FAM120A: variants seen among roughly 807,000 people sequenced by gnomAD.
FAM120A encodes family with sequence similarity 120 member A.
FAM120A carries 15 observed loss-of-function variants against 109.7 expected under a neutral mutation model. That is an observed-to-expected ratio of 0.14 (90% CI 0.09 to 0.21). FAM120A has a LOEUF of 0.21. Among genes scored for constraint, FAM120A ranks in the 10% least tolerant of loss-of-function variants. The pLI, the probability that FAM120A is intolerant of heterozygous loss-of-function variation, is 1.00. For synonymous variants in FAM120A, 493 were observed against 572.8 expected (o/e 0.86, Z 1.99); for missense variants, 899 against 1,439.3 (o/e 0.62, Z 6.07).
intron 3 of FAM120A, among the ~76,000 whole-genome samples, chr9:93,495,676 G>C (rs1859545420): frequency 6.6e-6 from 1 of 152,218 alleles, no homozygotes; most frequent in African/African-American, 2.4e-5. Flanking sequence ...TCTACAGCGA[G>C]TTGGAATCAT....
At chr9:93,494,939 C>T (rs1859505011) in intron 3 of FAM120A, among the ~76,000 whole-genome samples, 1 of 152,112 alleles carries the variant, frequency 6.6e-6, no homozygotes, top group African/African-American at 2.4e-5. Flanking sequence ...ACCTTTGGGC[C>T]GACTCCTCTT....
At chr9:93,506,222 A>G (rs1342531088) in intron 5 of FAM120A, among the ~76,000 whole-genome samples, 2 of 152,214 alleles carry the variant, frequency 1.3e-5, no homozygotes, top group Admixed American at 6.5e-5. Context: ...TTGGAATTAC[A>G]CCAACTCTGT....
chr9:93,546,095 T>C (rs1861881122), intron 11 of FAM120A, among the ~76,000 whole-genome samples: 1 of 152,132 alleles, frequency 6.6e-6, no homozygotes, highest in African/African-American at 2.4e-5. Flanking sequence ...CAATTCCTTC[T>C]TTATTTTTGT....
intron 2 of FAM120A, among the ~76,000 whole-genome samples, chr9:93,472,831 A>G (rs1588798898): frequency 2.0e-5 from 3 of 152,204 alleles, no homozygotes; most frequent in South Asian, 2.1e-4. Flanking sequence ...ATTTCTCCCA[A>G]TCGGTCTCAA....
intron 1 of FAM120A, chr9:93,453,263 C>G (rs963484174): frequency 7.1e-6 from 7 of 991,452 alleles, no homozygotes; most frequent in Middle Eastern, 1.0e-3. Flanking sequence ...AATCAGAGCT[C>G]TATATCACCG....
chr9:93,502,765 T>C (rs1324055926), intron 5 of FAM120A, among the ~76,000 whole-genome samples: 1 of 152,236 alleles, frequency 6.6e-6, no homozygotes, highest in East Asian at 1.9e-4. Flanking sequence ...TGTCTCAGCA[T>C]GTAAAATCTG....
At chr9:93,525,975 A>G (rs187256511) in intron 7 of FAM120A, among the ~76,000 whole-genome samples, 46 of 152,266 alleles carry the variant, frequency 3.0e-4, no homozygotes, top group African/African-American at 8.9e-4. Context: ...TTTTTAAAAG[A>G]CAGAACTATA....
intron 1 of FAM120A, chr9:93,453,118 C>T: frequency 9.8e-7 from 1 of 1,015,468 alleles, no homozygotes; most frequent in Non-Finnish European, 1.2e-6. Context: ...TAAGGCAGTT[C>T]GGTTTTGTAG....
rs746089125 is a variant in FAM120A, at chr9:93,529,452, C to G, written c.1606C>G (p.Pro536Ala). 1.3e-5 allele frequency: 21 copies of G among 1,614,114 alleles called. No individual in the cohort carries two copies. Among genetic ancestry groups the G allele is most frequent in the Non-Finnish European group, 1.8e-5 (21 of 1,180,036 alleles). Residue 536 changes from proline to alanine, a missense_variant, in exon 9 of 18, where the codon CCC becomes GCC. This residue lies in a region of FAM120A where 133 missense variants were observed against 276.6 expected (regional missense o/e 0.48). Coordinates refer to ENST00000277165, the MANE Select transcript of FAM120A (RefSeq NM_014612.5). Reference sequence around the variant, plus strand: ...GCCAATCCCGTGCCTCCTGTCGATGCCCACCAGGAACCACATGGACATCAC... The same window carrying G: ...GCCAATCCCGTGCCTCCTGTCGATGGCCACCAGGAACCACATGGACATCAC... ...VQPIPCLLSM[P>A]TRNHMDITTP...
At chr9:93,474,093 A>G (rs1324858462) in intron 2 of FAM120A, among the ~76,000 whole-genome samples, 1 of 152,250 alleles carries the variant, frequency 6.6e-6, no homozygotes, top group African/African-American at 2.4e-5. Context: ...TGAAAAAATC[A>G]ATTGCAATAT....
intron 1 of FAM120A, among the ~76,000 whole-genome samples, chr9:93,468,076 G>C (rs1258900619): frequency 6.6e-6 from 1 of 152,036 alleles, no homozygotes; most frequent in Non-Finnish European, 1.5e-5. Context: ...TAGAGTCGGG[G>C]TTTCACCATT....
intron 2 of FAM120A, among the ~76,000 whole-genome samples, chr9:93,473,838 G>T (rs1321701008): frequency 6.6e-6 from 1 of 152,184 alleles, no homozygotes; most frequent in Non-Finnish European, 1.5e-5. Context: ...TGTTAAAAGT[G>T]AGTATGGGGG....
chr9:93,558,957 C>T (rs927385718), intron 15 of FAM120A, among the ~76,000 whole-genome samples: 3 of 152,206 alleles, frequency 2.0e-5, no homozygotes, highest in African/African-American at 4.8e-5. Context: ...TGAGTGTCCA[C>T]CTAGAACAGA....
chr9:93,471,396 A>T lies in FAM120A; in HGVS notation c.721+9A>T. 6.2e-7 allele frequency: 1 copy of T among 1,613,956 alleles called. No homozygotes were observed. The highest frequency in any genetic ancestry group is 8.5e-7 in the Non-Finnish European group (1 of 1,179,866). On this transcript the variant is annotated intron_variant, in intron 2 of 17. Coordinates refer to ENST00000277165, the MANE Select transcript of FAM120A (RefSeq NM_014612.5). ...TTTTGCTGCTCTCTTAGGTAGGTGGAGCAGTGTGAAAATATTTTATAAGGG... is the reference window on the plus strand; with the variant it reads ...TTTTGCTGCTCTCTTAGGTAGGTGGTGCAGTGTGAAAATATTTTATAAGGG...
Position 93,452,536 on chromosome 9 carries a change from G to A in FAM120A, c.474+147G>A. ...TTGCCCGGGATAGCCTGGCCGGGCC[G>A]GGCTGCAAGATGGATGGCCGCGGGT... On this transcript the variant is annotated intron_variant, in intron 1 of 17. Transcript: ENST00000277165. The surrounding 1 kb of genome is among the most constrained non-coding windows in gnomAD (Gnocchi z 7.0). The A allele has an allele frequency of 6.4e-7, 1 of 1,567,232 alleles. No homozygotes were observed. The highest frequency in any genetic ancestry group is 8.6e-7 in the Non-Finnish European group (1 of 1,162,546).
intron 5 of FAM120A, among the ~76,000 whole-genome samples, chr9:93,511,350 C>T (rs920816949): frequency 4.6e-5 from 7 of 152,218 alleles, no homozygotes; most frequent in Admixed American, 2.6e-4. Context: ...ATCAGCTGCT[C>T]CCAGGCTCTT....
At chr9:93,522,879 A>G (rs1230678423) in intron 7 of FAM120A, among the ~76,000 whole-genome samples, 1 of 152,248 alleles carries the variant, frequency 6.6e-6, no homozygotes, top group Non-Finnish European at 1.5e-5. Flanking sequence ...GATGAACCAC[A>G]GGAAGGCAGG....
intron 3 of FAM120A, among the ~76,000 whole-genome samples, chr9:93,481,302 G>A (rs1858794405): frequency 1.3e-5 from 2 of 152,134 alleles, no homozygotes; most frequent in Admixed American, 6.5e-5. Flanking sequence ...TTTTATTTTG[G>A]GTGGGCATTT....
chr9:93,453,061 G>A (rs1857351839), intron 1 of FAM120A: 1 of 1,100,432 alleles, frequency 9.1e-7, no homozygotes, highest in Non-Finnish European at 1.1e-6. Context: ...TTGACAGGAT[G>A]GGATTTTGTC....
Sources: gnomAD v4.1 joint callset for allele counts (sites outside exome capture counted in the v4.1 genomes callset) on GRCh38, gnomAD v4.1.1 for gene constraint, gnomAD v4.1.1 regional missense constraint, Gnocchi (gnomAD v3.1) non-coding constraint, MANE v1.5 for transcripts, NCBI Gene and HGNC (gene_info 2026-07-23, HGNC 2026-07-21) for gene names.